The following SLC38A1 variants were observed in gnomAD, a reference collection of about 807,000 sequenced individuals.
SLC38A1 encodes sodium-coupled neutral amino acid symporter 1.
A neutral mutation model predicts 60.3 loss-of-function variants in SLC38A1; 18 were observed. The ratio of observed to expected loss-of-function variants is 0.30; its 90% CI spans 0.21 to 0.44. The LOEUF (loss-of-function observed/expected upper bound fraction) is 0.44, where lower values mean the gene tolerates loss of function less well. Ranked by LOEUF, SLC38A1 falls within the 20% of genes least tolerant of loss-of-function variation. The probability of loss-of-function intolerance (pLI) is 1.00; values close to 1 mark genes in which losing one functional copy is unlikely to be tolerated. For synonymous variants in SLC38A1, 196 were observed against 212.1 expected (o/e 0.92, Z 0.66); for missense variants, 448 against 587.2 (o/e 0.76, Z 2.45).
At chr12:46,212,635 G>A (rs1258631815) in intron 5 of SLC38A1, among the ~76,000 whole-genome samples, 1 of 152,136 alleles carries the variant, frequency 6.6e-6, no homozygotes. Flanking sequence ...ATGTGGTTCA[G>A]GACATTCTAG....
chr12:46,254,087 A>T (rs560406265), intron 1 of SLC38A1, among the ~76,000 whole-genome samples: 1 of 152,354 alleles, frequency 6.6e-6, no homozygotes, highest in Admixed American at 6.5e-5. Flanking sequence ...AGTAAAAATT[A>T]TCTCAAGTAA....
intron 1 of SLC38A1, among the ~76,000 whole-genome samples, chr12:46,256,070 G>A (rs759941297): frequency 1.8e-4 from 28 of 151,582 alleles, no homozygotes; most frequent in Non-Finnish European, 3.4e-4. Flanking sequence ...GGAGGCTGAG[G>A]CAGGAGAATG....
rs971881739 is a variant in SLC38A1, at chr12:46,239,879, G to A, written c.-79C>T. ...TGTATTTAGAAGTAGATACCAAAAT[G>A]GAAGCTTGACACCCCTAAAATATAG... On this transcript the variant is annotated 5_prime_UTR_variant, in exon 3 of 17. Coordinates refer to ENST00000398637, the MANE Select transcript of SLC38A1 (RefSeq NM_030674.4). The A allele has an allele frequency of 1.2e-5, 17 of 1,456,634 alleles. No individual in the cohort carries two copies. The Admixed American group carries it at 1.3e-4, about 11-fold the overall frequency. The allele number at this position is 1,456,634 out of a possible 1,614,324, so 90.2% of individuals were successfully genotyped here. A position where few individuals can be genotyped will look rare whatever the true frequency, so the allele number is the denominator to read the frequency against.
intron 1 of SLC38A1, among the ~76,000 whole-genome samples, chr12:46,253,789 A>G (rs972238605): frequency 1.3e-5 from 2 of 152,160 alleles, no homozygotes; most frequent in African/African-American, 2.4e-5. Flanking sequence ...AGAACCCTTA[A>G]TCCTAAGGGC....
At chr12:46,190,244 A>G (rs913331586) in intron 16 of SLC38A1, among the ~76,000 whole-genome samples, 3 of 152,116 alleles carry the variant, frequency 2.0e-5, no homozygotes, top group Non-Finnish European at 2.9e-5. Flanking sequence ...AGCTTCATCC[A>G]TGTCCCTGCA....
At chr12:46,211,144 G>A (rs1168088617) in intron 5 of SLC38A1, among the ~76,000 whole-genome samples, 1 of 152,166 alleles carries the variant, frequency 6.6e-6, no homozygotes, top group Non-Finnish European at 1.5e-5. Context: ...CTTGTTTTGA[G>A]GGACACAATG....
chr12:46,249,196 C>A (rs1406973233), intron 1 of SLC38A1, among the ~76,000 whole-genome samples: 3 of 140,172 alleles, frequency 2.1e-5, no homozygotes, highest in Admixed American at 7.1e-5. Context: ...CAAAACCGCA[C>A]AACTACATGG....
At chr12:46,192,129 GT>G (rs1450490236) in intron 16 of SLC38A1, among the ~76,000 whole-genome samples, 2 of 152,190 alleles carry the variant, frequency 1.3e-5, no homozygotes, top group Non-Finnish European at 2.9e-5. Flanking sequence ...TTTATTGAGA[GT>G]TTTTAGCATG....
At chr12:46,195,905 T>C in intron 16 of SLC38A1, 1 of 392,330 alleles carries the variant, frequency 2.5e-6, no homozygotes, top group Non-Finnish European at 4.8e-6. Flanking sequence ...CCCTTGTGCT[T>C]CCTGGGTGAG....
chr12:46,230,232 T>C (rs1170544489), intron 3 of SLC38A1, among the ~76,000 whole-genome samples: 2 of 152,158 alleles, frequency 1.3e-5, no homozygotes, highest in African/African-American at 4.8e-5. Context: ...CTTCAGCGCC[T>C]GCTATATGCA....
In SLC38A1 at chr12:46,207,154, C is replaced by T. The variant is rs778013892; in HGVS notation, c.563+1G>A. The T allele has an allele frequency of 3.1e-6, 5 of 1,600,012 alleles. No homozygotes were observed. Among genetic ancestry groups the T allele is most frequent in the African/African-American group, 1.3e-5 (1 of 74,400 alleles). On this transcript the variant is annotated splice_donor_variant, in intron 8 of 16. Coordinates refer to ENST00000398637, the MANE Select transcript of SLC38A1 (RefSeq NM_030674.4). LOFTEE classifies it high-confidence loss of function. ...TCATAAAAAAATGGTCTATAACTTA[C>T]GAAAATGTCTCTTCCTTTCCCATTA...
chr12:46,215,010 C>T (rs141874919), intron 5 of SLC38A1, among the ~76,000 whole-genome samples: 119 of 152,320 alleles, frequency 7.8e-4, no homozygotes, highest in African/African-American at 2.6e-3. Context: ...CAAACTTTAA[C>T]GTGTGTGCAA....
chr12:46,209,733 T>C (rs1005815558), intron 5 of SLC38A1, among the ~76,000 whole-genome samples: 1 of 152,150 alleles, frequency 6.6e-6, no homozygotes, highest in Non-Finnish European at 1.5e-5. Flanking sequence ...TGGTAACCAG[T>C]GGGAAAATTT....
At chr12:46,256,725 TC>T (rs1263921969) in intron 1 of SLC38A1, among the ~76,000 whole-genome samples, 1 of 151,842 alleles carries the variant, frequency 6.6e-6, no homozygotes, top group Non-Finnish European at 1.5e-5. Context: ...CTGGGTTCCC[TC>T]TCCCTGAGAC....
chr12:46,222,718 T>C (rs1008839673), intron 5 of SLC38A1, among the ~76,000 whole-genome samples: 7 of 152,246 alleles, frequency 4.6e-5, no homozygotes, highest in Non-Finnish European at 1.0e-4. Context: ...AAATGTTTAG[T>C]TACTTCTTTC....
At chr12:46,258,739 C>T (rs1340369705) in intron 1 of SLC38A1, among the ~76,000 whole-genome samples, 1 of 152,184 alleles carries the variant, frequency 6.6e-6, no homozygotes, top group Non-Finnish European at 1.5e-5. Flanking sequence ...CTGCAACCTC[C>T]GCCTCCCAGA....
chr12:46,199,472 C>G (rs1233186476), intron 13 of SLC38A1, among the ~76,000 whole-genome samples: 1 of 151,656 alleles, frequency 6.6e-6, no homozygotes, highest in Non-Finnish European at 1.5e-5. Context: ...GCCTCAGCCT[C>G]CTGAGTAGCT....
rs139106086 is a variant in SLC38A1 at position 46,195,714 on chromosome 12, C to T, written c.1362+2006G>A. 1.2e-3 allele frequency: 232 copies of T among 190,822 alleles called. 3 individuals carry two copies. The highest frequency in any genetic ancestry group is 5.0e-3 in the African/African-American group (216 of 43,088). 11.8% of individuals were successfully genotyped at this position (190,822 alleles called of 1,614,324 possible). ...GTCGCAGGTCGATCTTAGACTGTTG[C>T]GCTAGCAGTGAGCAAGGCTCCGTTG... On this transcript the variant is annotated intron_variant, in intron 16 of 16. Coordinates refer to ENST00000398637, the MANE Select transcript of SLC38A1 (RefSeq NM_030674.4).
intron 12 of SLC38A1, among the ~76,000 whole-genome samples, chr12:46,201,580 G>T (rs948339432): frequency 6.6e-6 from 1 of 152,082 alleles, no homozygotes; most frequent in African/African-American, 2.4e-5. Context: ...GGCAGAGCTG[G>T]AACTTGACCT....
Sources: allele counts gnomAD v4.1 joint callset (sites outside exome capture counted in the v4.1 genomes callset), GRCh38; gene constraint gnomAD v4.1.1; transcripts MANE v1.5; gene names NCBI Gene and HGNC (gene_info 2026-07-23, HGNC 2026-07-21).